The following PRDM16 variants were observed in gnomAD, a reference collection of about 807,000 sequenced individuals.
PRDM16 encodes PR/SET domain 16.
Under a neutral mutation model 110.6 loss-of-function variants are expected in PRDM16, and 23 were observed. The ratio of observed to expected loss-of-function variants is 0.21; its 90% CI spans 0.15 to 0.29. PRDM16 has a LOEUF of 0.29. Among genes scored for constraint, PRDM16 ranks in the 10% least tolerant of loss-of-function variants. PRDM16 has a pLI of 1.00. For synonymous variants in PRDM16, 799 were observed against 781.8 expected, an observed-to-expected ratio of 1.02 and a Z score of -0.37; for missense variants, 1,615 against 1,794.3, an observed-to-expected ratio of 0.90 and a Z score of 1.81.
At chr1:3,182,837 G>T (rs1301264336) in intron 1 of PRDM16, among the ~76,000 whole-genome samples, 2 of 152,190 alleles carry the variant, frequency 1.3e-5, no homozygotes, top group Non-Finnish European at 2.9e-5. Context: ...AGATCGGGAG[G>T]TGCTTCACGG....
chr1:3,392,189 G>T (rs1475596063), intron 4 of PRDM16, among the ~76,000 whole-genome samples: 1 of 152,210 alleles, frequency 6.6e-6, no homozygotes, highest in Non-Finnish European at 1.5e-5. Context: ...AAAGAATTCC[G>T]ATTCCACTGG....
At chr1:3,271,520 G>A (rs1299814170) in intron 3 of PRDM16, among the ~76,000 whole-genome samples, 1 of 152,226 alleles carries the variant, frequency 6.6e-6, no homozygotes, top group Admixed American at 6.5e-5. Context: ...AGCGGACGTG[G>A]AAATTCTGAC....
chr1:3,397,101 AAG>A (rs1455528635), intron 5 of PRDM16, among the ~76,000 whole-genome samples: 7 of 152,328 alleles, frequency 4.6e-5, no homozygotes, highest in African/African-American at 9.6e-5. Context: ...TGTTTCATTT[AAG>A]AGAGTGGATG....
chr1:3,383,683 C>G lies in PRDM16; in HGVS notation c.439-1469C>G, dbSNP rs1643145249. ...GCACCAGGCCCGAAATGGCTAGGAACCCGGGAGAGTGCATGCCGAGCATCT... is the reference window on the plus strand; with the variant it reads ...GCACCAGGCCCGAAATGGCTAGGAAGCCGGGAGAGTGCATGCCGAGCATCT... On this transcript the variant is annotated intron_variant, in intron 3 of 16. Transcript: ENST00000270722. Among the ~76,000 whole-genome samples the G allele has an allele frequency of 2.6e-5, 4 of 152,140 alleles. No individual in the cohort carries two copies. The South Asian group carries it at 8.3e-4, about 32-fold the overall frequency.
At chr1:3,254,613 C>A (rs1025033669) in intron 3 of PRDM16, among the ~76,000 whole-genome samples, 146 of 152,256 alleles carry the variant, frequency 9.6e-4, no homozygotes, top group Non-Finnish European at 1.8e-3. Context: ...CATGAAGGAC[C>A]TCTTCAAGGA....
intron 1 of PRDM16, among the ~76,000 whole-genome samples, chr1:3,135,340 C>T (rs1427864376): frequency 6.6e-6 from 1 of 152,194 alleles, no homozygotes; most frequent in Non-Finnish European, 1.5e-5. Flanking sequence ...TCGTACCCAG[C>T]TCTTCCTGCC....
chr1:3,312,496 C>A (rs2100418874), intron 3 of PRDM16, among the ~76,000 whole-genome samples: 1 of 152,364 alleles, frequency 6.6e-6, no homozygotes, highest in Admixed American at 6.5e-5. Flanking sequence ...TCCTCCCCAG[C>A]CTGCTGGTGT....
At chr1:3,273,976 TAAAAAAAA>T (rs927412647) in intron 3 of PRDM16, among the ~76,000 whole-genome samples, 3 of 68,538 alleles carry the variant, frequency 4.4e-5, no homozygotes, top group Admixed American at 1.6e-4. Context: ...TATGGGGAGG[TAAAAAAAA>T]AAAAAAAAAA....
At chr1:3,314,076 G>C (rs554160214) in intron 3 of PRDM16, among the ~76,000 whole-genome samples, 6 of 151,296 alleles carry the variant, frequency 4.0e-5, no homozygotes, top group South Asian at 2.1e-4. Context: ...CCCACCGGGG[G>C]GGGGGGCGGG....
intron 3 of PRDM16, among the ~76,000 whole-genome samples, chr1:3,250,044 G>T (rs143687662): frequency 6.6e-6 from 1 of 152,292 alleles, no homozygotes; most frequent in South Asian, 2.1e-4. Flanking sequence ...GCGCTGGGCC[G>T]TGGCCCTGGG....
intron 1 of PRDM16, among the ~76,000 whole-genome samples, chr1:3,102,389 T>C (rs1345055939): frequency 6.6e-6 from 1 of 152,108 alleles, no homozygotes; most frequent in Non-Finnish European, 1.5e-5. Flanking sequence ...AAAGCTGTCA[T>C]GGGAAGCCAC....
chr1:3,121,817 G>T (rs1400723117), intron 1 of PRDM16, among the ~76,000 whole-genome samples: 1 of 152,192 alleles, frequency 6.6e-6, no homozygotes, highest in Non-Finnish European at 1.5e-5. Context: ...CTCCCCAGGC[G>T]GCTGGGGACC....
intron 1 of PRDM16, among the ~76,000 whole-genome samples, chr1:3,182,466 G>A (rs1187895050): frequency 6.6e-6 from 1 of 152,178 alleles, no homozygotes; most frequent in African/African-American, 2.4e-5. Context: ...CAAGACCCTG[G>A]CCATAGCTTT....
intron 1 of PRDM16, among the ~76,000 whole-genome samples, chr1:3,145,652 G>A (rs936695623): frequency 2.9e-4 from 44 of 152,118 alleles, no homozygotes; most frequent in African/African-American, 4.3e-4. Context: ...TGCGTGGTCC[G>A]TACAGTCAGG....
rs566023952 is a variant in PRDM16 at position 3,216,014 on chromosome 1, C to T, written c.388-28073C>T. ...CCCCTGAAACACTCGAATAAATACT[C>T]GGCAATGATAATTTAAATTATTCAT... On this transcript the variant is annotated intron_variant, in intron 2 of 16. Coordinates refer to ENST00000270722, the MANE Select transcript of PRDM16 (RefSeq NM_022114.4). Among the ~76,000 whole-genome samples the T allele has an allele frequency of 9.2e-5, 14 of 152,290 alleles. No individual in the cohort carries two copies. The South Asian group carries it at 1.0e-3, about 11-fold the overall frequency.
chr1:3,171,571 G>A (rs1373510416), intron 1 of PRDM16, among the ~76,000 whole-genome samples: 1 of 152,214 alleles, frequency 6.6e-6, no homozygotes, highest in African/African-American at 2.4e-5. Flanking sequence ...CAGCCTCCGA[G>A]TTTGCAGAAA....
At chr1:3,188,891 C>T (rs1408563703) in intron 2 of PRDM16, among the ~76,000 whole-genome samples, 1 of 152,196 alleles carries the variant, frequency 6.6e-6, no homozygotes, top group African/African-American at 2.4e-5. Context: ...TGATGTCCGT[C>T]AATCAAGGAG....
At chr1:3,304,865 A>G (rs1178168360) in intron 3 of PRDM16, among the ~76,000 whole-genome samples, 2 of 152,084 alleles carry the variant, frequency 1.3e-5, no homozygotes. Context: ...GGAGGAGCCC[A>G]AGGAGGTGGC....
chr1:3,071,683 G>T (rs1317717134), intron 1 of PRDM16, among the ~76,000 whole-genome samples: 1 of 152,222 alleles, frequency 6.6e-6, no homozygotes, highest in Non-Finnish European at 1.5e-5. Flanking sequence ...GGTAGGGCCA[G>T]CACTCCAGCC....
Sources: allele counts gnomAD v4.1 joint callset (sites outside exome capture counted in the v4.1 genomes callset), GRCh38; gene constraint gnomAD v4.1.1; transcripts MANE v1.5; gene names NCBI Gene and HGNC (gene_info 2026-07-23, HGNC 2026-07-21).